DDX23: variants seen among roughly 807,000 people sequenced by gnomAD.
DDX23 encodes DEAD-box helicase 23.
In DDX23, 33 loss-of-function variants were observed where a neutral mutation model predicts 102.7. The observed-to-expected ratio is 0.32, with a 90% CI of 0.24 to 0.43. The LOEUF (loss-of-function observed/expected upper bound fraction) is 0.43, where lower values mean the gene tolerates loss of function less well. DDX23 is among the 20% of genes least tolerant of loss of function. DDX23 has a pLI of 1.00. For missense variants in DDX23, 549 were observed against 1,086.6 expected (o/e 0.51, Z 6.96); for synonymous variants, 352 against 376.0 (o/e 0.94, Z 0.74).
chr12:48,848,499 G>GA (rs1441507640), intron 1 of DDX23, among the ~76,000 whole-genome samples: 1 of 152,164 alleles, frequency 6.6e-6, no homozygotes, highest in Non-Finnish European at 1.5e-5. Flanking sequence ...TGAATGATGG[G>GA]AAAGAGGGCC....
chr12:48,839,602 C>T, intron 5 of DDX23: 2 of 413,868 alleles, frequency 4.8e-6, no homozygotes, highest in South Asian at 4.8e-5. Flanking sequence ...TTAGGGTGAG[C>T]CCTAATCCAA....
chr12:48,830,556 G>A lies in DDX23; in HGVS notation c.2376C>T (p.Pro792=), dbSNP rs1444077867. The A allele has an allele frequency of 1.2e-6, 2 of 1,613,716 alleles. No individual in the cohort carries two copies. The highest frequency in any genetic ancestry group is 1.7e-6 in the Non-Finnish European group (2 of 1,180,026). The change falls in exon 17 of 17, where the codon CCC becomes CCT. Residue 792 remains proline (P), a synonymous_variant. Coordinates refer to ENST00000308025, the MANE Select transcript of DDX23 (RefSeq NM_004818.3). This position sits in a 1 kb window ranked among gnomAD's most constrained non-coding sequence, Gnocchi z 4.9. ...CATCTGGGTGGTTGGCTAGTTCGGGGGGACAGGAAGACACTGGGCTTTCCA... is the reference window on the plus strand; with the variant it reads ...CATCTGGGTGGTTGGCTAGTTCGGGAGGACAGGAAGACACTGGGCTTTCCA... The part of the protein sequence containing the change: ...AILESPVSSC[P]PELANHPDAQ...
At position 48,832,712 on chromosome 12, in the gene DDX23, T is replaced by C. The variant is rs1938409290; in HGVS notation, c.1804-139A>G. The C allele has an allele frequency of 8.4e-6, 9 of 1,072,790 alleles. No homozygotes were observed. Among genetic ancestry groups the C allele is most frequent in the South Asian group, 1.8e-5 (1 of 55,900 alleles). 66.5% of individuals were successfully genotyped at this position (1,072,790 alleles called of 1,614,324 possible). A position where few individuals can be genotyped will look rare whatever the true frequency, so the allele number is the denominator to read the frequency against. The stretch of plus-strand genomic sequence containing the variant: ...CTTTGATAGCCACCACCTTAGAAAA[T>C]AGTGTCCTCTGAATTCCCATCCTTC... On this transcript the variant is annotated intron_variant, in intron 13 of 16. Transcript: ENST00000308025. The surrounding 1 kb of genome is among the most constrained non-coding windows in gnomAD (Gnocchi z 4.4).
Position 48,836,552 on chromosome 12 carries a change from A to T in DDX23, c.1236+17T>A. On this transcript the variant is annotated intron_variant, in intron 10 of 16. Transcript: ENST00000308025. The surrounding 1 kb of genome is among the most constrained non-coding windows in gnomAD (Gnocchi z 6.1). ...AGGAACATGTCAGATCTCTTGGGCC[A>T]ATCTATCCCTCCTTACCTTGTAGCC... The T allele has an allele frequency of 1.2e-6, 2 of 1,608,934 alleles. No individual in the cohort carries two copies. The highest frequency in any genetic ancestry group is 1.7e-6 in the Non-Finnish European group (2 of 1,176,758).
chr12:48,836,911 T>C lies in DDX23; in HGVS notation c.993A>G (p.Glu331=), dbSNP rs1281941794. The C allele has an allele frequency of 1.9e-6, 3 of 1,613,710 alleles. No individual in the cohort carries two copies. The highest frequency in any genetic ancestry group is 1.7e-5 in the Admixed American group (1 of 59,998). The stretch of plus-strand genomic sequence containing the variant: ...TCACTCACTCCTCCTGCTCCTTTTC[T>C]TCCAGGGTTCGCCTCTTCTCCATTA... The part of the protein sequence containing the change: ...GDLMEKRRTL[E]EKEQEEARLR... The change falls in exon 9 of 17, where the codon GAA becomes GAG. Residue 331 remains glutamate, a synonymous_variant. Coordinates refer to ENST00000308025, the MANE Select transcript of DDX23 (RefSeq NM_004818.3). This position sits in a 1 kb window ranked among gnomAD's most constrained non-coding sequence, Gnocchi z 6.1.
chr12:48,838,220 T>G (rs1938493903), intron 5 of DDX23, 140 bp from the exon 6 acceptor site: 1 of 1,254,662 alleles, frequency 8.0e-7, no homozygotes, highest in East Asian at 2.4e-5. Flanking sequence ...GGCCTTGGAC[T>G]CGGTTATGGA....
rs200123209 is a variant in DDX23 at position 48,836,788 on chromosome 12, T to C, written c.1017A>G (p.Arg339=). ...TLEEKEQEEA[R]LRKLRKKEAK... Reference sequence around the variant, plus strand: ...CTTCCTTCTTACGAAGTTTGCGGAGTCTTGCCCTGGAGCAGGGTGTGAGGA... The same window carrying C: ...CTTCCTTCTTACGAAGTTTGCGGAGCCTTGCCCTGGAGCAGGGTGTGAGGA... Residue 339 remains arginine, a synonymous_variant, in exon 10 of 17, where the codon AGA becomes AGG. Coordinates refer to ENST00000308025, the MANE Select transcript of DDX23 (RefSeq NM_004818.3). This position sits in a 1 kb window ranked among gnomAD's most constrained non-coding sequence, Gnocchi z 6.1. 2.3e-4 allele frequency: 364 copies of C among 1,613,832 alleles called. 4 individuals are homozygous for C. The South Asian group carries it at 3.1e-3, about 14-fold the overall frequency.
intron 5 of DDX23, among the ~76,000 whole-genome samples, chr12:48,839,296 C>T (rs1344496532): frequency 1.3e-5 from 2 of 151,810 alleles, no homozygotes; most frequent in East Asian, 1.9e-4. Flanking sequence ...CAGTGGCTCA[C>T]GCCTGTAATC....
chr12:48,833,376 C>T lies in DDX23; in HGVS notation c.1704G>A (p.Glu568=). The T allele has an allele frequency of 6.2e-7, 1 of 1,614,196 alleles. No individual in the cohort carries two copies. The highest frequency in any genetic ancestry group is 2.2e-5 in the East Asian group (1 of 44,886). Reference sequence around the variant, plus strand: ...GCTTCTGGTTGCTGACAGGCATGTGCTCCAGGATCTTCTGGACATCTGGCT... The same window carrying T: ...GCTTCTGGTTGCTGACAGGCATGTGTTCCAGGATCTTCTGGACATCTGGCT... ...GFEPDVQKIL[E]HMPVSNQKPD... is the part of the protein sequence containing the mutation. The change falls in exon 13 of 17, where the codon GAG becomes GAA. Residue 568 remains glutamate (E), a synonymous_variant. Transcript: ENST00000308025.
At chr12:48,848,612 T>A (rs115403583) in intron 1 of DDX23, among the ~76,000 whole-genome samples, 2,091 of 152,156 alleles carry the variant, frequency 0.014, 45 homozygotes, top group African/African-American at 0.048. Flanking sequence ...TGAGACAGGG[T>A]CTCACCCTCT....
At chr12:48,834,036 T>C (rs1037740264) in intron 12 of DDX23, among the ~76,000 whole-genome samples, 5 of 152,196 alleles carry the variant, frequency 3.3e-5, no homozygotes, top group East Asian at 3.8e-4. Context: ...GCTCTGCCCA[T>C]TGCCAGCTGT....
rs1592204142 is a variant in DDX23, at chr12:48,844,006, C to T, written c.254G>A (p.Arg85Gln). 3.1e-6 allele frequency: 5 copies of T among 1,614,134 alleles called. No individual in the cohort carries two copies. The highest frequency in any genetic ancestry group is 3.4e-6 in the Non-Finnish European group (4 of 1,180,006). ...GTCTCGATCTCGGTCCTTCTTATTC[C>T]GATCCCGCTCCTTATCTCGTTCTCG... The part of the protein sequence containing the change: ...KERERDKERD[R>Q]NKKDRDRDKD... Residue 85 changes from arginine (R) to glutamine (Q), a missense_variant, in exon 3 of 17, where the codon CGG (arginine) becomes CAG (glutamine). Coordinates refer to ENST00000308025, the MANE Select transcript of DDX23 (RefSeq NM_004818.3).
At position 48,845,799 on chromosome 12, in the gene DDX23, G is replaced by A; in HGVS notation, c.1-17C>T. ...TCCTGCCATCTGTAATGAGTAGGAA[G>A]AGTACTTACAATGTACTAGGCACTG... On this transcript the variant is annotated splice_polypyrimidine_tract_variant and intron_variant, in intron 1 of 16. Coordinates refer to ENST00000308025, the MANE Select transcript of DDX23 (RefSeq NM_004818.3). 1 of 1,612,592 alleles carries A rather than the reference G, an allele frequency of 6.2e-7. No individual in the cohort carries two copies. The highest frequency in any genetic ancestry group is 1.3e-5 in the African/African-American group (1 of 75,046).
intron 1 of DDX23, among the ~76,000 whole-genome samples, chr12:48,848,301 C>CAAAAAA (rs1162953994): frequency 1.5e-5 from 2 of 135,628 alleles, no homozygotes; most frequent in African/African-American, 5.2e-5. Context: ...CAAAACAAAA[C>CAAAAAA]AAAAAACAAA....
At chr12:48,843,291 C>A (rs142244652) in intron 3 of DDX23, among the ~76,000 whole-genome samples, 4 of 147,130 alleles carry the variant, frequency 2.7e-5, no homozygotes, top group African/African-American at 1.0e-4. Flanking sequence ...CAAGAATGAT[C>A]AATTAAAAAA....
At chr12:48,838,416 G>A (rs1455949348) in intron 5 of DDX23, among the ~76,000 whole-genome samples, 1 of 152,074 alleles carries the variant, frequency 6.6e-6, no homozygotes, top group Non-Finnish European at 1.5e-5. Flanking sequence ...CAGACATGAT[G>A]GCATGTGCAT....
Position 48,832,847 on chromosome 12 carries a change from T to C in DDX23, c.1804-274A>G, listed in dbSNP as rs2137481221. The stretch of plus-strand genomic sequence containing the variant: ...GCAGCATGAGTCTTTGGAATCGTTT[T>C]TCCAGGGCTAAGCTAAATGGCTCCA... On this transcript the variant is annotated intron_variant, in intron 13 of 16. Coordinates refer to ENST00000308025, the MANE Select transcript of DDX23 (RefSeq NM_004818.3). The surrounding 1 kb of genome is among the most constrained non-coding windows in gnomAD (Gnocchi z 4.4). The C allele has an allele frequency of 2.0e-6, 1 of 498,702 alleles. No individual in the cohort carries two copies. The highest frequency in any genetic ancestry group is 3.6e-6 in the Non-Finnish European group (1 of 280,638). The allele number at this position is 498,702 out of a possible 1,614,324, so 30.9% of individuals were successfully genotyped here.
chr12:48,839,930 T>TA, intron 4 of DDX23, 21 bp from the exon 5 acceptor site: 3 of 1,614,074 alleles, frequency 1.9e-6, no homozygotes, highest in Non-Finnish European at 2.5e-6. Flanking sequence ...AACAGAACTT[T>TA]AGTCTATAAA....
At chr12:48,842,358 A>G (rs1938575361) in intron 3 of DDX23, among the ~76,000 whole-genome samples, 1 of 119,686 alleles carries the variant, frequency 8.4e-6, no homozygotes, top group African/African-American at 3.3e-5. Flanking sequence ...GGAAGTGAGG[A>G]GCCTCTCTGC....
Sources: allele counts gnomAD v4.1 joint callset (sites outside exome capture counted in the v4.1 genomes callset), GRCh38; gene constraint gnomAD v4.1.1; non-coding constraint Gnocchi (gnomAD v3.1); transcripts MANE v1.5; gene names NCBI Gene and HGNC (gene_info 2026-07-23, HGNC 2026-07-21).